Variants in LRP5 observed in about 807,000 individuals in gnomAD.
LRP5 encodes the protein low-density lipoprotein receptor-related protein 5.
Under a neutral mutation model 154.1 loss-of-function variants are expected in LRP5, and 62 were observed. The observed-to-expected ratio is 0.40, with a 90% CI of 0.33 to 0.50. The LOEUF is 0.50. LRP5 is among the 20% of genes least tolerant of loss of function. LRP5 has a pLI of 0.55. For synonymous variants in LRP5, 966 were observed against 1,011.5 expected, an observed-to-expected ratio of 0.96 and a Z score of 0.85; for missense variants, 1,915 against 2,336.7, an observed-to-expected ratio of 0.82 and a Z score of 3.72.
At chr11:68,421,933 T>G (rs1436457636) in intron 13 of LRP5, among the ~76,000 whole-genome samples, 1 of 151,948 alleles carries the variant, frequency 6.6e-6, no homozygotes, top group African/African-American at 2.4e-5. Context: ...CTTTGTTTTA[T>G]TTGTATTTTT....
intron 20 of LRP5, among the ~76,000 whole-genome samples, chr11:68,439,389 T>C (rs2153181727): frequency 1.3e-5 from 2 of 152,290 alleles, no homozygotes; most frequent in East Asian, 3.9e-4. Context: ...AACCTGATTC[T>C]CTCTGGGGAG....
chr11:68,419,283 A>G (rs2098664234), intron 13 of LRP5, among the ~76,000 whole-genome samples: 1 of 152,062 alleles, frequency 6.6e-6, no homozygotes, highest in South Asian at 2.1e-4. Context: ...CCCAGGCTGG[A>G]GTGCAGTGGT....
In LRP5 at chr11:68,403,643, T is replaced by C. The variant is rs1591284686; in HGVS notation, c.1745T>C (p.Ile582Thr). 7 of 1,614,176 alleles carry C rather than the reference T, an allele frequency of 4.3e-6. No individual in the cohort carries two copies. The highest frequency in any genetic ancestry group is 1.1e-5 in the South Asian group (1 of 91,086). Residue 582 changes from isoleucine to threonine, a missense_variant, in exon 8 of 23, where the codon ATT (isoleucine) becomes ACT (threonine). Coordinates refer to ENST00000294304, the MANE Select transcript of LRP5 (RefSeq NM_002335.4). ...HKVKASRDVIIDQLPDLMGLK... is the reference protein window; with the variant it reads ...HKVKASRDVITDQLPDLMGLK... ...GTCAAGGCCAGCCGGGACGTCATCA[T>C]TGACCAGCTGCCCGACCTGATGGGG...
chr11:68,321,863 C>T lies in LRP5; in HGVS notation c.91+9058C>T, dbSNP rs1591172294. On this transcript the variant is annotated intron_variant, in intron 1 of 22. Coordinates refer to ENST00000294304, the MANE Select transcript of LRP5 (RefSeq NM_002335.4). ...GCAAAGCTCTCAGGAAATTGCTCAA[C>T]GGGGCATTAATAGCTATCTGAGCGT... is the stretch of plus-strand genomic sequence containing the variant. Among the ~76,000 whole-genome samples, 4 of 152,264 alleles carry T rather than the reference C, an allele frequency of 2.6e-5. No homozygotes were observed. In the South Asian group the frequency reaches 6.2e-4, roughly 24 times the overall value.
At chr11:68,405,310 GA>G (rs934731542) in intron 8 of LRP5, among the ~76,000 whole-genome samples, 49 of 145,902 alleles carry the variant, frequency 3.4e-4, no homozygotes, top group African/African-American at 4.3e-4. Flanking sequence ...ATCTCTACCA[GA>G]AAAAAAAAAA....
At position 68,399,218 on chromosome 11, in the gene LRP5, A is replaced by G. The variant is rs1292772812; in HGVS notation, c.1585-4265A>G. The stretch of plus-strand genomic sequence containing the variant: ...ACCTATCTCTTAAAAATATATATTT[A>G]AAAAGTATTGGGTGTGGTGGCTCAC... On this transcript the variant is annotated intron_variant, in intron 7 of 22. Coordinates refer to ENST00000294304, the MANE Select transcript of LRP5 (RefSeq NM_002335.4). Among the ~76,000 whole-genome samples the G allele has an allele frequency of 2.6e-5, 4 of 151,922 alleles. No homozygotes were observed. The East Asian group carries it at 7.7e-4, about 29-fold the overall frequency.
At chr11:68,446,320 TG>T in intron 21 of LRP5, 115 bp from the exon 22 acceptor site, 1 of 789,464 alleles carries the variant, frequency 1.3e-6, no homozygotes, top group Non-Finnish European at 2.2e-6. Context: ...GAAGGGGTCC[TG>T]GGAAGCAGGG....
chr11:68,312,879 G>A, intron 1 of LRP5, 74 bp downstream of exon 1: 3 of 834,092 alleles, frequency 3.6e-6, no homozygotes, highest in Non-Finnish European at 4.4e-6. Flanking sequence ...GGCCAAGTGC[G>A]CGGGCGCCGC....
chr11:68,407,651 AC>A (rs2098656499), intron 9 of LRP5, among the ~76,000 whole-genome samples: 1 of 146,572 alleles, frequency 6.8e-6, no homozygotes, highest in Non-Finnish European at 1.5e-5. Context: ...GACCAGCCTC[AC>A]CCACGTGGAG....
At chr11:68,374,431 C>T (rs1591245508) in intron 5 of LRP5, among the ~76,000 whole-genome samples, 1 of 152,238 alleles carries the variant, frequency 6.6e-6, no homozygotes. Flanking sequence ...CTGCTGTTCT[C>T]AGCCATGGAC....
At chr11:68,369,464 G>A (rs1045306563) in intron 5 of LRP5, among the ~76,000 whole-genome samples, 1 of 152,064 alleles carries the variant, frequency 6.6e-6, no homozygotes, top group African/African-American at 2.4e-5. Context: ...GTGGACATTT[G>A]TCGAAGGAGT....
At chr11:68,432,336 A>G (rs1337186143) in intron 17 of LRP5, among the ~76,000 whole-genome samples, 1 of 152,150 alleles carries the variant, frequency 6.6e-6, no homozygotes, top group Admixed American at 6.5e-5. Context: ...CGTGTCCCCC[A>G]TGGCCAGGCA....
rs2098682058 is a variant in LRP5, at chr11:68,447,448, G to A, written c.4586+915G>A. ...GCCTGGCTGGGGAGCCGGAACTGCA[G>A]CCTCCATTTCCACCCCACTCCGGGT... On this transcript the variant is annotated intron_variant, in intron 22 of 22. Transcript: ENST00000294304. This position sits in a 1 kb window ranked among gnomAD's most constrained non-coding sequence, Gnocchi z 4.3. Among the ~76,000 whole-genome samples, 1 of 152,082 alleles carries A rather than the reference G, an allele frequency of 6.6e-6. No homozygotes were observed. Among genetic ancestry groups the A allele is most frequent in the Non-Finnish European group, 1.5e-5 (1 of 68,008 alleles).
chr11:68,406,364 C>A (rs1221839493), intron 8 of LRP5, among the ~76,000 whole-genome samples, 160 bp from the exon 9 acceptor site: 1 of 152,198 alleles, frequency 6.6e-6, no homozygotes, highest in African/African-American at 2.4e-5. Flanking sequence ...TTTAGCCTGG[C>A]CAACCCAGCC....
At chr11:68,369,466 C>T (rs887988217) in intron 5 of LRP5, among the ~76,000 whole-genome samples, 4 of 151,880 alleles carry the variant, frequency 2.6e-5, no homozygotes, top group African/African-American at 9.7e-5. Context: ...GGACATTTGT[C>T]GAAGGAGTGG....
At position 68,350,472 on chromosome 11, in the gene LRP5, G is replaced by C. The variant is rs58001317; in HGVS notation, c.488+2229G>C. ...TCCCTTGGCCATGCCCTGTGGGACA[G>C]TGTCCAAGCTCTGGAGTAGGACTGA... On this transcript the variant is annotated intron_variant, in intron 2 of 22. Transcript: ENST00000294304. Among the ~76,000 whole-genome samples the C allele has an allele frequency of 4.1e-3, 625 of 152,364 alleles. 7 individuals carry two copies. The highest frequency in any genetic ancestry group is 0.014 in the African/African-American group (562 of 41,594).
rs760877115 is a variant in LRP5, at chr11:68,363,705, G to A, written c.687-42G>A. Reference sequence around the variant, plus strand: ...GGGTCAGCAGCAATGACTGTCGGGGGACCCTCCTGATGGCTCCTCCACCCC... The same window carrying A: ...GGGTCAGCAGCAATGACTGTCGGGGAACCCTCCTGATGGCTCCTCCACCCC... On this transcript the variant is annotated intron_variant, in intron 3 of 22. Coordinates refer to ENST00000294304, the MANE Select transcript of LRP5 (RefSeq NM_002335.4). 5.9e-6 allele frequency: 9 copies of A among 1,529,652 alleles called. No individual in the cohort carries two copies. In the African/African-American group the frequency reaches 8.2e-5, roughly 14 times the overall value. The allele number at this position is 1,529,652 out of a possible 1,614,324, so 94.8% of individuals were successfully genotyped here.
intron 16 of LRP5, 83 bp downstream of exon 16, chr11:68,426,270 T>C (rs2098668725): frequency 1.6e-6 from 2 of 1,219,896 alleles, no homozygotes; most frequent in South Asian, 1.4e-5. Context: ...TGCAAGATCC[T>C]GTGTGGCCTC....
intron 1 of LRP5, among the ~76,000 whole-genome samples, chr11:68,318,773 G>A (rs1263936700): frequency 2.6e-5 from 4 of 152,196 alleles, no homozygotes; most frequent in African/African-American, 9.7e-5. Context: ...GGTGCCTGGT[G>A]GGGGCGGCAC....
Sources: gnomAD v4.1 joint callset for allele counts (sites outside exome capture counted in the v4.1 genomes callset) on GRCh38, gnomAD v4.1.1 for gene constraint, Gnocchi (gnomAD v3.1) non-coding constraint, MANE v1.5 for transcripts, NCBI Gene and HGNC (gene_info 2026-07-23, HGNC 2026-07-21) for gene names.